RALGPS1: variants seen among roughly 807,000 people sequenced by gnomAD.
RALGPS1 encodes Ral GEF with PH domain and SH3 binding motif 1.
RALGPS1 carries 19 observed loss-of-function variants against 78.8 expected under a neutral mutation model. The ratio of observed to expected loss-of-function variants is 0.24; its 90% CI spans 0.17 to 0.35. The LOEUF is 0.35. RALGPS1 is among the 10% of genes least tolerant of loss of function. The pLI, the probability that RALGPS1 is intolerant of heterozygous loss-of-function variation, is 1.00. For missense variants in RALGPS1, 454 were observed against 688.3 expected (o/e 0.66, Z 3.81); for synonymous variants, 228 against 256.3 (o/e 0.89, Z 1.06).
intron 6 of RALGPS1, 29 bp downstream of exon 6, chr9:127,050,161 C>T (rs1250923345): frequency 6.5e-7 from 1 of 1,538,978 alleles, no homozygotes; most frequent in Non-Finnish European, 9.0e-7. Flanking sequence ...TTTTTCCTTC[C>T]TTTCCCTCTT....
chr9:127,133,433 T>G (rs1202858886), intron 8 of RALGPS1, among the ~76,000 whole-genome samples: 2 of 152,246 alleles, frequency 1.3e-5, no homozygotes, highest in East Asian at 3.8e-4. Context: ...CTCAGCGAGC[T>G]TGAGAGCATG....
At chr9:127,143,994 G>C (rs2057948846) in intron 8 of RALGPS1, among the ~76,000 whole-genome samples, 1 of 152,206 alleles carries the variant, frequency 6.6e-6, no homozygotes, top group Non-Finnish European at 1.5e-5. Flanking sequence ...TGTGGGAGGG[G>C]GGCAGCCTGA....
At chr9:126,926,600 C>T (rs190415887) in intron 1 of RALGPS1, among the ~76,000 whole-genome samples, 30 of 152,156 alleles carry the variant, frequency 2.0e-4, no homozygotes, top group African/African-American at 6.7e-4. Flanking sequence ...GACTTGCAGG[C>T]AGTGCCTAGG....
intron 11 of RALGPS1, among the ~76,000 whole-genome samples, chr9:127,189,181 C>T (rs1013894825): frequency 6.6e-6 from 1 of 152,024 alleles, no homozygotes; most frequent in African/African-American, 2.4e-5. Context: ...GATCAGATTC[C>T]CTCACCACAA....
At chr9:127,021,673 G>GA in intron 4 of RALGPS1, among the ~76,000 whole-genome samples, 1 of 147,244 alleles carries the variant, frequency 6.8e-6, no homozygotes, top group Non-Finnish European at 1.5e-5. Context: ...GATGTATTCG[G>GA]AAAAAAACAT....
intron 1 of RALGPS1, among the ~76,000 whole-genome samples, chr9:126,949,099 G>T (rs1344143710): frequency 6.6e-6 from 1 of 151,662 alleles, no homozygotes; most frequent in Non-Finnish European, 1.5e-5. Flanking sequence ...GTTTACTGAG[G>T]ATGATTTCCA....
chr9:127,129,852 C>G (rs748940450), intron 8 of RALGPS1, among the ~76,000 whole-genome samples: 4 of 152,216 alleles, frequency 2.6e-5, no homozygotes, highest in Non-Finnish European at 5.9e-5. Context: ...CAGAGGCCTG[C>G]AACCCTGGAG....
intron 8 of RALGPS1, among the ~76,000 whole-genome samples, chr9:127,078,843 A>AACT (rs2050916260): frequency 6.6e-6 from 1 of 152,200 alleles, no homozygotes. Flanking sequence ...TCGAATTAGA[A>AACT]ACTAACACTA....
chr9:127,086,451 G>A (rs1044570676), intron 8 of RALGPS1, among the ~76,000 whole-genome samples: 10 of 152,176 alleles, frequency 6.6e-5, no homozygotes, highest in African/African-American at 1.9e-4. Flanking sequence ...TTCACTTATA[G>A]CACCTCTCTG....
chr9:127,062,271 G>A (rs968460298), intron 7 of RALGPS1, among the ~76,000 whole-genome samples: 1 of 151,974 alleles, frequency 6.6e-6, no homozygotes, highest in African/African-American at 2.4e-5. Context: ...CTAATTTTTT[G>A]TATTTTTTAG....
At chr9:127,062,590 A>G (rs1052291902) in intron 7 of RALGPS1, among the ~76,000 whole-genome samples, 1 of 152,188 alleles carries the variant, frequency 6.6e-6, no homozygotes, top group Non-Finnish European at 1.5e-5. Context: ...ATTGGTATGA[A>G]ATTAGTCAGT....
Position 127,110,666 on chromosome 9 carries a change from A to G in RALGPS1, c.610+41310A>G, listed in dbSNP as rs117502858. Among the ~76,000 whole-genome samples, 160 of 152,296 alleles carry G rather than the reference A, an allele frequency of 1.1e-3. 3 individuals carry two copies. In the East Asian group the frequency reaches 0.03, roughly 28 times the overall value. On this transcript the variant is annotated intron_variant, in intron 8 of 18. Coordinates refer to ENST00000259351, the MANE Select transcript of RALGPS1 (RefSeq NM_014636.3). ...CCCGTATCTCCAACCCAACCTGTTC[A>G]TCCCAGTTTTTCCTGTGTTCATAAA... is the stretch of plus-strand genomic sequence containing the variant.
chr9:126,939,450 A>T (rs1050528962), intron 1 of RALGPS1, among the ~76,000 whole-genome samples: 7 of 152,356 alleles, frequency 4.6e-5, no homozygotes, highest in Admixed American at 6.5e-5. Context: ...CACTTATTGC[A>T]CAGAGATGGC....
intron 11 of RALGPS1, among the ~76,000 whole-genome samples, chr9:127,188,205 G>A (rs1588448353): frequency 1.3e-5 from 2 of 152,040 alleles, no homozygotes; most frequent in Non-Finnish European, 1.5e-5. Context: ...GGGACTATAG[G>A]TGCCTGCTAC....
intron 14 of RALGPS1, chr9:127,210,756 A>G (rs2062202970): frequency 6.4e-7 from 1 of 1,550,664 alleles, no homozygotes; most frequent in African/African-American, 1.4e-5. Context: ...GAATTCTCCC[A>G]GAACCCGGAG....
intron 4 of RALGPS1, among the ~76,000 whole-genome samples, chr9:126,998,731 C>T (rs1462070576): frequency 2.0e-5 from 3 of 151,976 alleles, no homozygotes; most frequent in Admixed American, 6.6e-5. Flanking sequence ...ATGTTTATAG[C>T]GGCACTATTC....
chr9:126,921,576 CAGG>C (rs938320719), intron 1 of RALGPS1, among the ~76,000 whole-genome samples: 11 of 152,302 alleles, frequency 7.2e-5, no homozygotes, highest in Non-Finnish European at 1.0e-4. Context: ...TTCTTCTTTG[CAGG>C]AGATTTATCT....
chr9:126,976,249 A>C (rs909305384), intron 3 of RALGPS1, among the ~76,000 whole-genome samples: 1 of 152,036 alleles, frequency 6.6e-6, no homozygotes, highest in South Asian at 2.1e-4. Flanking sequence ...ATGCCAGTAC[A>C]TGAGCCCATC....
chr9:127,063,958 T>G (rs1196406465), intron 7 of RALGPS1, among the ~76,000 whole-genome samples: 1 of 152,244 alleles, frequency 6.6e-6, no homozygotes, highest in Non-Finnish European at 1.5e-5. Context: ...GTTTCCTCTG[T>G]GTCAGGAATC....
Sources: allele counts gnomAD v4.1 joint callset (sites outside exome capture counted in the v4.1 genomes callset), GRCh38; gene constraint gnomAD v4.1.1; transcripts MANE v1.5; gene names NCBI Gene and HGNC (gene_info 2026-07-23, HGNC 2026-07-21).